DGLUCY: variants seen among roughly 807,000 people sequenced by gnomAD.
DGLUCY encodes the protein D-glutamate cyclase, also known as D-glutamate cyclase, mitochondrial.
DGLUCY carries 58 observed loss-of-function variants against 58.5 expected under a neutral mutation model. That is an observed-to-expected ratio of 0.99 (90% confidence interval 0.80 to 1.23). The LOEUF (loss-of-function observed/expected upper bound fraction) is 1.23. DGLUCY is among the 50% of genes most tolerant of loss of function. DGLUCY has a pLI of 0.00. For synonymous variants in DGLUCY, 325 were observed against 314.1 expected, an observed-to-expected ratio of 1.03 and a Z score of -0.37; for missense variants, 779 against 784.7, an observed-to-expected ratio of 0.99 and a Z score of 0.09.
chr14:91,100,879 TG>T (rs2044474511), intron 1 of DGLUCY, among the ~76,000 whole-genome samples: 1 of 152,118 alleles, frequency 6.6e-6, no homozygotes, highest in African/African-American at 2.4e-5. Context: ...AAGACCAGCC[TG>T]GCCAACATGG....
intron 1 of DGLUCY, chr14:91,060,757 C>G (rs1457865871): frequency 4.3e-6 from 1 of 230,120 alleles, no homozygotes; most frequent in Non-Finnish European, 8.5e-6. Context: ...GCGCGCGCGT[C>G]TGCCAACGCC....
intron 1 of DGLUCY, among the ~76,000 whole-genome samples, chr14:91,123,821 G>T (rs1015477141): frequency 2.0e-5 from 3 of 151,946 alleles, no homozygotes; most frequent in Non-Finnish European, 4.4e-5. Context: ...CAAACAGTTC[G>T]CCTGCCTTGG....
chr14:91,176,328 C>T (rs760996965), intron 7 of DGLUCY, among the ~76,000 whole-genome samples: 1 of 152,048 alleles, frequency 6.6e-6, no homozygotes, highest in Non-Finnish European at 1.5e-5. Context: ...CTGGTTCAAG[C>T]GATTTTTCAG....
intron 1 of DGLUCY, among the ~76,000 whole-genome samples, chr14:91,075,498 A>C (rs1430308337): frequency 6.6e-6 from 1 of 152,126 alleles, no homozygotes; most frequent in African/African-American, 2.4e-5. Flanking sequence ...TGGGCATCCT[A>C]TCTTTCTGAA....
chr14:91,208,308 G>T (rs1436200271), intron 12 of DGLUCY, among the ~76,000 whole-genome samples: 1 of 152,136 alleles, frequency 6.6e-6, no homozygotes, highest in Non-Finnish European at 1.5e-5. Context: ...AAATAAGTGA[G>T]GGTAAAATAA....
rs952162219 is a variant in DGLUCY at position 91,169,677 on chromosome 14, TG to T, written c.258-323del. Among the ~76,000 whole-genome samples the T allele has an allele frequency of 3.3e-5, 5 of 152,116 alleles. No individual in the cohort carries two copies. The South Asian group carries it at 1.0e-3, about 32-fold the overall frequency. On this transcript the variant is annotated intron_variant, in intron 4 of 13. Transcript: ENST00000256324. ...TGCCCGCCTCGGCCTCCCAAAGTGC[TG>T]GGATTACAGTCATGAGCCACCGTGC...
intron 10 of DGLUCY, among the ~76,000 whole-genome samples, chr14:91,199,348 C>A (rs1434750729): frequency 6.6e-6 from 1 of 151,990 alleles, no homozygotes; most frequent in Non-Finnish European, 1.5e-5. Context: ...CAACCTCTGC[C>A]TCCCGGGTTC....
upstream of DGLUCY, among the ~76,000 whole-genome samples, chr14:91,104,106 A>G (rs564812899): frequency 5.7e-3 from 645 of 112,996 alleles, 5 homozygotes; most frequent in African/African-American, 0.02. Flanking sequence ...TCTGTTGCCC[A>G]GGCTGGAGTG....
At chr14:91,067,670 TC>T (rs1449068395) in intron 1 of DGLUCY, among the ~76,000 whole-genome samples, 1 of 151,958 alleles carries the variant, frequency 6.6e-6, no homozygotes, top group African/African-American at 2.4e-5. Context: ...TACCTCAGTC[TC>T]CCAAGTAGTT....
chr14:91,208,622 G>A (rs1237251897), intron 12 of DGLUCY, among the ~76,000 whole-genome samples: 1 of 152,130 alleles, frequency 6.6e-6, no homozygotes, highest in Admixed American at 6.5e-5. Context: ...GGTGGTGGAC[G>A]CCTATAGTCC....
At chr14:91,213,382 C>T (rs1396014064) in intron 12 of DGLUCY, among the ~76,000 whole-genome samples, 1 of 151,942 alleles carries the variant, frequency 6.6e-6, no homozygotes, top group Non-Finnish European at 1.5e-5. Context: ...TTGCAGTGGG[C>T]TGAGATCATA....
At chr14:91,193,012 G>T (rs2049993461) in intron 9 of DGLUCY, among the ~76,000 whole-genome samples, 1 of 152,100 alleles carries the variant, frequency 6.6e-6, no homozygotes, top group Non-Finnish European at 1.5e-5. Context: ...TTGGCGTGTT[G>T]GTGGGCTCTC....
At chr14:91,116,657 A>G (rs1358551457) in intron 1 of DGLUCY, among the ~76,000 whole-genome samples, 1 of 152,108 alleles carries the variant, frequency 6.6e-6, no homozygotes, top group Non-Finnish European at 1.5e-5. Flanking sequence ...AAGAAAGTAA[A>G]GGAATAGGCC....
At chr14:91,149,473 G>C (rs536460424) in intron 1 of DGLUCY, among the ~76,000 whole-genome samples, 1 of 152,304 alleles carries the variant, frequency 6.6e-6, no homozygotes, top group East Asian at 1.9e-4. Context: ...GGGTCAGGCC[G>C]TTGGTTGAGC....
chr14:91,220,526 G>C (rs1206665915), intron 13 of DGLUCY: 1 of 456,388 alleles, frequency 2.2e-6, no homozygotes, highest in Admixed American at 2.3e-5. Context: ...AGCTCCCACA[G>C]CCAGAGCAGA....
Position 91,102,743 on chromosome 14 carries a change from A to ATGTGTGTGTGTGTGTGTGTG in DGLUCY, c.-82+42063_-82+42082dup, listed in dbSNP as rs548653144. Among the ~76,000 whole-genome samples, 232 of 130,668 alleles carry ATGTGTGTGTGTGTGTGTGTG rather than the reference A, an allele frequency of 1.8e-3. 9 individuals carry two copies. The highest frequency in any genetic ancestry group is 2.7e-3 in the Admixed American group (35 of 12,828). 85.7% of individuals were successfully genotyped at this position (130,668 alleles called of 152,430 possible). A position where few individuals can be genotyped will look rare whatever the true frequency, so the allele number is the denominator to read the frequency against. On this transcript the variant is annotated intron_variant, in intron 1 of 4. Transcript: ENST00000521334. ...GCTGCTGGGACCCCTTCCAGTGTGTATGTGTGTGTGTGTGTGTGTGTGTGT... is the reference window on the plus strand; with the variant it reads ...GCTGCTGGGACCCCTTCCAGTGTGTATGTGTGTGTGTGTGTGTGTGTGTGTGTGTGTGTGTGTGTGTGTGT...
intron 1 of DGLUCY, among the ~76,000 whole-genome samples, chr14:91,062,558 A>AAAAAT (rs1555386902): frequency 8.4e-5 from 2 of 23,688 alleles, no homozygotes; most frequent in Non-Finnish European, 1.5e-4. Context: ...AAAAAAAAAA[A>AAAAAT]ATATATATAT....
At chr14:91,102,781 G>A (rs1161768464) in intron 1 of DGLUCY, among the ~76,000 whole-genome samples, 1 of 150,242 alleles carries the variant, frequency 6.7e-6, no homozygotes, top group African/African-American at 2.4e-5. Flanking sequence ...GTGTGTGTGT[G>A]TGTGTTTGAG....
At chr14:91,218,404 A>ATT (rs35615811) in intron 13 of DGLUCY, among the ~76,000 whole-genome samples, 2 of 146,058 alleles carry the variant, frequency 1.4e-5, no homozygotes, top group African/African-American at 2.5e-5. Context: ...TAAAATGGGG[A>ATT]TTTTTTTTTT....
Sources: gnomAD v4.1 joint callset for allele counts (sites outside exome capture counted in the v4.1 genomes callset) on GRCh38, gnomAD v4.1.1 for gene constraint, MANE v1.5 for transcripts, NCBI Gene and HGNC (gene_info 2026-07-23, HGNC 2026-07-21) for gene names.